APP: variants seen among roughly 807,000 people sequenced by gnomAD.
APP encodes amyloid-beta precursor protein.
APP carries 31 observed loss-of-function variants against 101.4 expected under a neutral mutation model. The observed-to-expected ratio is 0.31, with a 90% CI of 0.23 to 0.41. The LOEUF is 0.41. APP is among the 10% of genes least tolerant of loss of function. APP has a pLI of 1.00. For synonymous variants in APP, 366 were observed against 364.4 expected, an observed-to-expected ratio of 1.00 and a Z score of -0.05; for missense variants, 839 against 1,003.7, an observed-to-expected ratio of 0.84 and a Z score of 2.22.
intron 6 of APP, among the ~76,000 whole-genome samples, chr21:26,004,411 G>T (rs940832745): frequency 2.7e-5 from 4 of 149,806 alleles, no homozygotes; most frequent in African/African-American, 9.9e-5. Flanking sequence ...TCCTGCCTCA[G>T]CCTCCTGAGT....
chr21:25,991,882 T>G (rs554347270), intron 8 of APP, among the ~76,000 whole-genome samples: 1 of 152,350 alleles, frequency 6.6e-6, no homozygotes, highest in Middle Eastern at 3.4e-3. Flanking sequence ...ACTTACCCTC[T>G]TTTGGCAAAT....
At chr21:26,125,337 G>A (rs1033930732) in intron 1 of APP, among the ~76,000 whole-genome samples, 2 of 152,010 alleles carry the variant, frequency 1.3e-5, no homozygotes, top group Non-Finnish European at 2.9e-5. Flanking sequence ...TCTGTTGATT[G>A]GTATAAAGAC....
At chr21:26,049,581 TG>T (rs2045750922) in intron 5 of APP, among the ~76,000 whole-genome samples, 1 of 152,256 alleles carries the variant, frequency 6.6e-6, no homozygotes, top group South Asian at 2.1e-4. Context: ...TGGAATTAAG[TG>T]GTAAGGTTAC....
At chr21:26,161,199 TTC>T (rs1254392790) in intron 1 of APP, among the ~76,000 whole-genome samples, 2 of 152,194 alleles carry the variant, frequency 1.3e-5, no homozygotes, top group African/African-American at 4.8e-5. Flanking sequence ...CAACACTAAC[TTC>T]TCTCTCCCAC....
intron 17 of APP, among the ~76,000 whole-genome samples, chr21:25,887,993 G>C (rs1031835682): frequency 2.6e-5 from 4 of 151,778 alleles, no homozygotes; most frequent in African/African-American, 9.7e-5. Context: ...TCCTATCTCT[G>C]TGATCTTCTG....
intron 1 of APP, among the ~76,000 whole-genome samples, chr21:26,127,164 A>C (rs947734661): frequency 1.3e-5 from 2 of 150,234 alleles, no homozygotes; most frequent in East Asian, 3.9e-4. Context: ...TCTTTTAATT[A>C]AGAAATCTTG....
intron 11 of APP, among the ~76,000 whole-genome samples, chr21:25,974,526 C>T (rs1007413341): frequency 1.3e-5 from 2 of 152,064 alleles, no homozygotes; most frequent in Non-Finnish European, 2.9e-5. Flanking sequence ...AAAATACAAA[C>T]AAAAACAAAA....
At chr21:26,007,359 A>T (rs928526417) in intron 6 of APP, among the ~76,000 whole-genome samples, 12 of 147,676 alleles carry the variant, frequency 8.1e-5, no homozygotes, top group African/African-American at 2.9e-4. Flanking sequence ...TAATTTATAA[A>T]TATAATTATA....
intron 13 of APP, among the ~76,000 whole-genome samples, chr21:25,916,774 C>A (rs947580682): frequency 4.6e-5 from 7 of 151,980 alleles, no homozygotes; most frequent in African/African-American, 1.7e-4. Context: ...TTTGTTATGA[C>A]CCAAAATTGT....
At chr21:26,116,092 A>G (rs903478732) in intron 1 of APP, among the ~76,000 whole-genome samples, 1 of 152,200 alleles carries the variant, frequency 6.6e-6, no homozygotes, top group Non-Finnish European at 1.5e-5. Flanking sequence ...ATAAAACTGG[A>G]GATGCTTTCC....
chr21:25,962,061 G>C (rs910873197), intron 11 of APP, among the ~76,000 whole-genome samples: 2 of 152,182 alleles, frequency 1.3e-5, no homozygotes, highest in African/African-American at 4.8e-5. Context: ...GCAAAGAACA[G>C]AGGAAGAGAT....
intron 13 of APP, among the ~76,000 whole-genome samples, chr21:25,951,305 C>G (rs2041065106): frequency 1.3e-5 from 2 of 152,202 alleles, no homozygotes; most frequent in Non-Finnish European, 2.9e-5. Flanking sequence ...TAATTGGAAG[C>G]ATAATTTACT....
intron 9 of APP, among the ~76,000 whole-genome samples, chr21:25,977,076 G>A (rs1021345676): frequency 5.3e-5 from 8 of 152,106 alleles, no homozygotes; most frequent in African/African-American, 9.7e-5. Context: ...TTCTATTATA[G>A]CAACACAAAC....
chr21:25,963,273 T>C (rs2041659231), intron 11 of APP, among the ~76,000 whole-genome samples: 1 of 152,236 alleles, frequency 6.6e-6, no homozygotes, highest in Non-Finnish European at 1.5e-5. Flanking sequence ...TCTGAATATG[T>C]AGCTTATTAC....
chr21:26,119,794 T>C (rs2062524249), intron 1 of APP, among the ~76,000 whole-genome samples: 1 of 152,176 alleles, frequency 6.6e-6, no homozygotes. Context: ...TGCATTTAAG[T>C]CCATGTTGCT....
chr21:26,071,962 T>A (rs1256636676), intron 3 of APP, among the ~76,000 whole-genome samples: 1 of 152,248 alleles, frequency 6.6e-6, no homozygotes, highest in African/African-American at 2.4e-5. Flanking sequence ...TTCTAGAGAT[T>A]CACTTCATTT....
chr21:26,138,098 G>A (rs2062959456), intron 1 of APP, among the ~76,000 whole-genome samples: 2 of 152,100 alleles, frequency 1.3e-5, no homozygotes, highest in Admixed American at 6.5e-5. Flanking sequence ...CTTTCTCTCT[G>A]TATACTGGTT....
In APP at chr21:25,975,071, C is replaced by T. The variant is rs200268317; in HGVS notation, c.1457G>A (p.Arg486Gln). The T allele has an allele frequency of 2.5e-5, 41 of 1,614,038 alleles. No homozygotes were observed. Among genetic ancestry groups the T allele is most frequent in the South Asian group, 3.3e-5 (3 of 91,080 alleles). The part of the protein sequence containing the change: ...YITALQAVPP[R>Q]PRHVFNMLKK... ...GAACTCGGCTGCAGCGAGACCTACC[C>T]GAGGAGGAACAGCCTGCAGAGCGGT... The change falls in exon 11 of 18, where the codon CGG becomes CAG. Residue 486 changes from arginine to glutamine, a missense_variant and splice_region_variant. Coordinates refer to ENST00000346798, the MANE Select transcript of APP (RefSeq NM_000484.4).
intron 1 of APP, among the ~76,000 whole-genome samples, chr21:26,157,156 G>A (rs544256806): frequency 5.3e-5 from 8 of 151,754 alleles, no homozygotes; most frequent in East Asian, 1.9e-4. Context: ...TGCAACCTCC[G>A]CCTCCTGGGT....
Sources: gnomAD v4.1 joint callset for allele counts (sites outside exome capture counted in the v4.1 genomes callset) on GRCh38, gnomAD v4.1.1 for gene constraint, MANE v1.5 for transcripts, NCBI Gene and HGNC (gene_info 2026-07-23, HGNC 2026-07-21) for gene names.